The following CDH13 variants were observed in gnomAD, a reference collection of about 807,000 sequenced individuals.
CDH13 encodes the protein cadherin 13.
A neutral mutation model predicts 63.8 loss-of-function variants in CDH13; 24 were observed. The observed-to-expected ratio is 0.38, with a 90% CI of 0.27 to 0.53. The LOEUF (loss-of-function observed/expected upper bound fraction) is 0.53. CDH13 is among the 20% of genes least tolerant of loss of function. CDH13 has a pLI of 0.85. For missense variants in CDH13, 1,049 were observed against 903.1 expected (o/e 1.16, Z -2.07); for synonymous variants, 503 against 355.3 (o/e 1.42, Z -4.67).
At chr16:83,466,470 A>T (rs775298142) in intron 6 of CDH13, among the ~76,000 whole-genome samples, 34 of 152,242 alleles carry the variant, frequency 2.2e-4, no homozygotes, top group Non-Finnish European at 3.7e-4. Flanking sequence ...GCTAGATGAC[A>T]TAAGCACACA....
intron 7 of CDH13, among the ~76,000 whole-genome samples, chr16:83,543,664 G>A (rs1048451227): frequency 6.6e-6 from 1 of 152,170 alleles, no homozygotes; most frequent in African/African-American, 2.4e-5. Context: ...AGACATTAGA[G>A]ACATGTTTTG....
At chr16:83,045,035 C>G (rs1294404489) in intron 3 of CDH13, among the ~76,000 whole-genome samples, 1 of 152,140 alleles carries the variant, frequency 6.6e-6, no homozygotes, top group East Asian at 1.9e-4. Flanking sequence ...ATGATAACCT[C>G]TTTTTACAAT....
chr16:83,518,489 T>TC (rs947659611), intron 7 of CDH13, among the ~76,000 whole-genome samples: 1 of 148,872 alleles, frequency 6.7e-6, no homozygotes, highest in African/African-American at 2.5e-5. Flanking sequence ...TTGTTTTTTT[T>TC]TGAGACGGAG....
chr16:83,182,223 C>G (rs1438825819), intron 4 of CDH13, among the ~76,000 whole-genome samples: 1 of 152,194 alleles, frequency 6.6e-6, no homozygotes, highest in African/African-American at 2.4e-5. Flanking sequence ...CCTTACATCA[C>G]CATATTGTCT....
intron 1 of CDH13, among the ~76,000 whole-genome samples, chr16:82,802,871 C>G (rs1429782604): frequency 6.6e-6 from 1 of 152,178 alleles, no homozygotes; most frequent in African/African-American, 2.4e-5. Flanking sequence ...CTCTCTGCCA[C>G]CATCTGTGTT....
At chr16:83,246,787 T>C (rs1370312471) in intron 5 of CDH13, among the ~76,000 whole-genome samples, 1 of 152,218 alleles carries the variant, frequency 6.6e-6, no homozygotes, top group Non-Finnish European at 1.5e-5. Flanking sequence ...GATGCTTCTC[T>C]GTCGACTTCA....
At chr16:82,803,611 G>C (rs368062630) in intron 1 of CDH13, among the ~76,000 whole-genome samples, 4 of 152,156 alleles carry the variant, frequency 2.6e-5, no homozygotes, top group African/African-American at 9.7e-5. Flanking sequence ...TGAAACTGTG[G>C]TATATGCATG....
intron 8 of CDH13, among the ~76,000 whole-genome samples, chr16:83,660,115 T>C (rs577963707): frequency 2.0e-5 from 3 of 152,278 alleles, no homozygotes; most frequent in South Asian, 4.1e-4. Flanking sequence ...CACCAGGAAC[T>C]GGTTTTGTGG....
intron 10 of CDH13, among the ~76,000 whole-genome samples, chr16:83,691,183 C>T (rs992673952): frequency 6.6e-6 from 1 of 151,886 alleles, no homozygotes; most frequent in Non-Finnish European, 1.5e-5. Context: ...AATGGAAGCA[C>T]AGAGGGCACA....
At chr16:82,933,007 A>G (rs904765720) in intron 2 of CDH13, among the ~76,000 whole-genome samples, 13 of 152,282 alleles carry the variant, frequency 8.5e-5, no homozygotes, top group Admixed American at 1.3e-4. Context: ...TTGACTTACC[A>G]ATTTCATATT....
At chr16:82,930,974 C>A (rs1297667060) in intron 2 of CDH13, among the ~76,000 whole-genome samples, 3 of 152,244 alleles carry the variant, frequency 2.0e-5, no homozygotes, top group Admixed American at 2.0e-4. Context: ...GGGGCAGCTT[C>A]CGCTGGTTTT....
chr16:83,704,760 GA>G lies in CDH13; in HGVS notation c.1538+26307del, dbSNP rs562514118. ...TGAACTCTATAATGGTACTACAATA[GA>G]AAAAAAATTTCCAAAGTTCAATTGG... On this transcript the variant is annotated intron_variant, in intron 10 of 13. Coordinates refer to ENST00000567109, the MANE Select transcript of CDH13 (RefSeq NM_001257.5). Among the ~76,000 whole-genome samples, 1,020 of 152,010 alleles carry G rather than the reference GA, an allele frequency of 6.7e-3. 6 individuals carry two copies. Among genetic ancestry groups the G allele is most frequent in the Non-Finnish European group, 0.011 (780 of 67,930 alleles).
intron 2 of CDH13, among the ~76,000 whole-genome samples, chr16:82,932,529 CA>C (rs2042533151): frequency 6.6e-6 from 1 of 152,142 alleles, no homozygotes; most frequent in African/African-American, 2.4e-5. Flanking sequence ...CAGAGCTTCC[CA>C]AGACAAAACT....
chr16:83,580,421 C>G (rs1272618219), intron 7 of CDH13, among the ~76,000 whole-genome samples: 1 of 148,870 alleles, frequency 6.7e-6, no homozygotes, highest in Non-Finnish European at 1.5e-5. Context: ...CAAGGTAACT[C>G]AGCACCCAGT....
rs199639695 is a variant in CDH13 at position 82,627,510 on chromosome 16, CAGTT to C, written c.45+376_45+379del. Among the ~76,000 whole-genome samples, 588 of 152,248 alleles carry C rather than the reference CAGTT, an allele frequency of 3.9e-3. 3 individuals are homozygous for C. The highest frequency in any genetic ancestry group is 0.014 in the African/African-American group (567 of 41,556). ...AGGCTCGGTGCATTGGAGAAAGACT[CAGTT>C]AGAGGCGACTCCAACGAGCCGCGGT... On this transcript the variant is annotated intron_variant, in intron 1 of 13. Transcript: ENST00000567109.
chr16:83,447,077 A>G (rs1056330595), intron 6 of CDH13, among the ~76,000 whole-genome samples: 1 of 136,638 alleles, frequency 7.3e-6, no homozygotes, highest in Non-Finnish European at 1.6e-5. Flanking sequence ...AAAAAAAACA[A>G]AAAACACCTT....
Position 82,896,352 on chromosome 16 carries a change from C to T in CDH13, c.157+37879C>T, listed in dbSNP as rs144239991. 5.1e-3 allele frequency among the ~76,000 whole-genome samples: 696 copies of T among 135,814 alleles called. 4 individuals carry two copies. The highest frequency in any genetic ancestry group is 0.02 in the Middle Eastern group (4 of 196). The allele number at this position is 135,814 out of a possible 152,430, so 89.1% of individuals were successfully genotyped here. ...TGTCTCCCAGGCTGGAGTGCAGTGG[C>T]GCTATCACAGCTTATTGCAGTCTTG... is the stretch of plus-strand genomic sequence containing the variant. On this transcript the variant is annotated intron_variant, in intron 2 of 13. Transcript: ENST00000567109.
intron 1 of CDH13, among the ~76,000 whole-genome samples, chr16:82,807,114 A>G (rs2037185987): frequency 6.6e-6 from 1 of 151,730 alleles, no homozygotes; most frequent in South Asian, 2.1e-4. Context: ...CTTAAGAAAA[A>G]ACTTAAATTG....
chr16:82,668,973 G>A (rs1260599110), intron 1 of CDH13, among the ~76,000 whole-genome samples: 1 of 152,188 alleles, frequency 6.6e-6, no homozygotes, highest in Non-Finnish European at 1.5e-5. Flanking sequence ...GGCTGCCCCG[G>A]TGTACCTGGC....
Sources: gnomAD v4.1 joint callset for allele counts (sites outside exome capture counted in the v4.1 genomes callset) on GRCh38, gnomAD v4.1.1 for gene constraint, MANE v1.5 for transcripts, NCBI Gene and HGNC (gene_info 2026-07-23, HGNC 2026-07-21) for gene names.